PCDHA11: variants seen among roughly 807,000 people sequenced by gnomAD.
The protein encoded by PCDHA11 is protocadherin alpha 11, also known as protocadherin alpha-11.
In PCDHA11, 61 loss-of-function variants were observed where a neutral mutation model predicts 70.3. The observed-to-expected ratio is 0.87, with a 90% CI of 0.71 to 1.07. The LOEUF is 1.07. Among genes scored for constraint, PCDHA11 ranks in the 50% least tolerant of loss-of-function variants. The pLI is 0.00. For missense variants in PCDHA11, 1,324 were observed against 1,237.5 expected, an observed-to-expected ratio of 1.07 and a Z score of -1.05; for synonymous variants, 633 against 555.1, an observed-to-expected ratio of 1.14 and a Z score of -1.97.
chr5:140,975,522 G>A (rs2096670563), intron 1 of PCDHA11, among the ~76,000 whole-genome samples: 1 of 152,128 alleles, frequency 6.6e-6, no homozygotes, highest in African/African-American at 2.4e-5. Context: ...ATCTGCAGTG[G>A]ATATATTCTT....
At position 140,899,599 on chromosome 5, in the gene PCDHA11, C is replaced by T. The variant is rs535938234; in HGVS notation, c.2391+28105C>T. Among the ~76,000 whole-genome samples the T allele has an allele frequency of 8.0e-3, 1,213 of 152,222 alleles. 6 individuals carry two copies. Among genetic ancestry groups the T allele is most frequent in the African/African-American group, 0.019 (784 of 41,538 alleles). ...CGGTTTGCCAGTATTTTATTGAGGA[C>T]TTTTGCATCAATGTTCATCAAGGAT... On this transcript the variant is annotated intron_variant, in intron 1 of 3. Coordinates refer to ENST00000398640, the MANE Select transcript of PCDHA11 (RefSeq NM_018902.5).
At position 140,877,671 on chromosome 5, in the gene PCDHA11, G is replaced by T. The variant is rs138162923; in HGVS notation, c.2391+6177G>T. 2.5e-6 allele frequency: 4 copies of T among 1,613,620 alleles called. No individual in the cohort carries two copies. The South Asian group carries it at 3.3e-5, about 13-fold the overall frequency. On this transcript the variant is annotated intron_variant, in intron 1 of 3. Coordinates refer to ENST00000398640, the MANE Select transcript of PCDHA11 (RefSeq NM_018902.5). ...CGCCGCCCACCGTGAGCCGGTGCGC[G>T]CCGGGCAAGCCCACGCTGGTGTGCT...
intron 3 of PCDHA11, among the ~76,000 whole-genome samples, chr5:141,006,960 G>A (rs1183082923): frequency 6.6e-6 from 1 of 152,184 alleles, no homozygotes; most frequent in Non-Finnish European, 1.5e-5. Flanking sequence ...TTATACATGA[G>A]ATTGGAGCAC....
intron 1 of PCDHA11, among the ~76,000 whole-genome samples, chr5:140,892,991 A>G (rs1477087965): frequency 1.3e-5 from 2 of 152,196 alleles, no homozygotes; most frequent in African/African-American, 2.4e-5. Context: ...TATAAGTGAG[A>G]ACATGTATTT....
At chr5:140,913,862 T>G (rs1554196081) in intron 1 of PCDHA11, among the ~76,000 whole-genome samples, 1 of 152,218 alleles carries the variant, frequency 6.6e-6, no homozygotes, top group African/African-American at 2.4e-5. Flanking sequence ...GCATATTGTT[T>G]AATTTCCATG....
intron 1 of PCDHA11, among the ~76,000 whole-genome samples, chr5:140,952,271 G>A (rs561917046): frequency 6.6e-6 from 1 of 151,646 alleles, no homozygotes; most frequent in East Asian, 2.0e-4. Flanking sequence ...CTGGGGTCTT[G>A]AGGGTGGTGG....
chr5:140,929,497 C>A, intron 1 of PCDHA11: 1 of 977,560 alleles, frequency 1.0e-6, no homozygotes, highest in Non-Finnish European at 1.4e-6. Context: ...TAGAAGATTG[C>A]CCTAGGCCTC....
At chr5:140,903,545 C>T (rs1562939927) in intron 1 of PCDHA11, among the ~76,000 whole-genome samples, 3 of 152,130 alleles carry the variant, frequency 2.0e-5, no homozygotes, top group Non-Finnish European at 4.4e-5. Context: ...GAGCAAGAAA[C>T]TTTTCTAATA....
intron 1 of PCDHA11, among the ~76,000 whole-genome samples, chr5:140,964,657 G>A (rs2067599): frequency 0.18 from 27,796 of 151,812 alleles, 2,893 homozygotes; most frequent in African/African-American, 0.28. Context: ...TAATGGGTGA[G>A]GACACAGGCC....
intron 1 of PCDHA11, among the ~76,000 whole-genome samples, chr5:140,896,910 T>C (rs1174063416): frequency 1.3e-5 from 2 of 152,208 alleles, no homozygotes; most frequent in Non-Finnish European, 2.9e-5. Context: ...AAGCATGCAA[T>C]GCACAATAAT....
intron 1 of PCDHA11, among the ~76,000 whole-genome samples, chr5:140,935,509 C>T (rs2090411551): frequency 6.6e-6 from 1 of 152,080 alleles, no homozygotes; most frequent in Admixed American, 6.6e-5. Context: ...TTACAAATGC[C>T]CAGTAGGCAT....
chr5:140,943,139 TC>T (rs1314499841), intron 1 of PCDHA11, among the ~76,000 whole-genome samples: 5 of 151,168 alleles, frequency 3.3e-5, no homozygotes, highest in Non-Finnish European at 5.9e-5. Flanking sequence ...GTGCCTGTAG[TC>T]CCAGCTACTC....
At chr5:140,903,845 C>T (rs2070659171) in intron 1 of PCDHA11, among the ~76,000 whole-genome samples, 1 of 152,006 alleles carries the variant, frequency 6.6e-6, no homozygotes, top group Admixed American at 6.6e-5. Context: ...TTTCATTTAT[C>T]TTAACAAATA....
chr5:140,869,861 AAAATGCTGCT>A lies in PCDHA11; in HGVS notation c.762_771del (p.Asn254LysfsTer8). ...TCAGAATATAAGGTGAGCCTTATGGAAAATGCTGCTAAAGAAACTCTTGTGCTCAAACTAA... is the reference window on the plus strand; with the variant it reads ...TCAGAATATAAGGTGAGCCTTATGGAAAAGAAACTCTTGTGCTCAAACTAA... On this transcript the variant is annotated frameshift_variant, in exon 1 of 4. Transcript: ENST00000398640. LOFTEE classifies it high-confidence loss of function. 1 of 1,610,746 alleles carries A rather than the reference AAAATGCTGCT, an allele frequency of 6.2e-7. No individual in the cohort carries two copies. Among genetic ancestry groups the A allele is most frequent in the Admixed American group, 1.7e-5 (1 of 59,456 alleles).
At chr5:140,926,859 G>A in intron 1 of PCDHA11, 1 of 1,521,332 alleles carries the variant, frequency 6.6e-7, no homozygotes, top group Non-Finnish European at 8.8e-7. Context: ...CGTTGGTGTA[G>A]CGTGTTGGTG....
intron 1 of PCDHA11, among the ~76,000 whole-genome samples, chr5:140,909,538 A>T (rs1204423392): frequency 6.6e-6 from 1 of 152,148 alleles, no homozygotes; most frequent in East Asian, 1.9e-4. Context: ...TGAGTCCTTG[A>T]TGGTGGCACT....
intron 1 of PCDHA11, among the ~76,000 whole-genome samples, chr5:140,921,032 T>A (rs6887800): frequency 0.023 from 3,565 of 152,036 alleles, 50 homozygotes; most frequent in Middle Eastern, 0.034. Context: ...TAGACTGGGG[T>A]GCAGTGGGGC....
intron 1 of PCDHA11, among the ~76,000 whole-genome samples, chr5:140,899,326 T>G (rs1203153086): frequency 6.6e-6 from 1 of 152,230 alleles, no homozygotes; most frequent in Non-Finnish European, 1.5e-5. Flanking sequence ...TGGCTGTGGG[T>G]TTGTCATAGA....
intron 3 of PCDHA11, among the ~76,000 whole-genome samples, chr5:140,994,381 C>T (rs1339661887): frequency 6.6e-6 from 1 of 152,086 alleles, no homozygotes; most frequent in East Asian, 1.9e-4. Context: ...ATTCAGGGGA[C>T]TAAGTCAGAG....
Sources: allele counts gnomAD v4.1 joint callset (sites outside exome capture counted in the v4.1 genomes callset), GRCh38; gene constraint gnomAD v4.1.1; transcripts MANE v1.5; gene names NCBI Gene and HGNC (gene_info 2026-07-23, HGNC 2026-07-21).